PTPRT: variants seen among roughly 807,000 people sequenced by gnomAD.
PTPRT encodes protein tyrosine phosphatase receptor type T.
In PTPRT, 56 loss-of-function variants were observed where a neutral mutation model predicts 176.8. The observed-to-expected ratio is 0.32, with a 90% confidence interval of 0.26 to 0.40. The LOEUF (loss-of-function observed/expected upper bound fraction) is 0.40, where lower values mean the gene tolerates loss of function less well. Among genes scored for constraint, PTPRT ranks in the 10% least tolerant of loss-of-function variants. The probability of loss-of-function intolerance (pLI) is 1.00; values close to 1 mark genes in which losing one functional copy is unlikely to be tolerated. For missense variants in PTPRT, 1,540 were observed against 1,908.2 expected, an observed-to-expected ratio of 0.81 and a Z score of 3.60; for synonymous variants, 783 against 739.0, an observed-to-expected ratio of 1.06 and a Z score of -0.96.
At chr20:42,543,788 T>G (rs1017928692) in intron 7 of PTPRT, among the ~76,000 whole-genome samples, 3 of 152,158 alleles carry the variant, frequency 2.0e-5, no homozygotes, top group African/African-American at 7.2e-5. Flanking sequence ...GAATGGATAT[T>G]GTGTTAGCAG....
At chr20:43,167,843 G>A (rs1207098807) in intron 1 of PTPRT, among the ~76,000 whole-genome samples, 1 of 152,158 alleles carries the variant, frequency 6.6e-6, no homozygotes, top group Non-Finnish European at 1.5e-5. Context: ...ATATGAGGTT[G>A]GAAACAGATC....
At chr20:42,047,723 TG>T in the PTPRT span, among the ~76,000 whole-genome samples, 5 of 152,196 alleles carry the variant, frequency 3.3e-5, no homozygotes, top group Non-Finnish European at 7.3e-5. Context: ...CTATGCTTGA[TG>T]GGTTCTTCTG....
chr20:42,093,530 G>T (rs561507888), intron 27 of PTPRT, among the ~76,000 whole-genome samples: 2 of 152,282 alleles, frequency 1.3e-5, no homozygotes, highest in East Asian at 3.9e-4. Context: ...GGCAGATTTG[G>T]CCAGCAGTGC....
chr20:42,339,630 A>G (rs1383720079), intron 11 of PTPRT, among the ~76,000 whole-genome samples: 3 of 152,248 alleles, frequency 2.0e-5, no homozygotes, highest in Admixed American at 2.0e-4. Context: ...GCGTGGTCCA[A>G]GACCAGTAGG....
chr20:43,062,657 T>C (rs1987520150), intron 1 of PTPRT, among the ~76,000 whole-genome samples: 1 of 152,230 alleles, frequency 6.6e-6, no homozygotes, highest in Admixed American at 6.5e-5. Flanking sequence ...TGTATGTAGA[T>C]GAAAGAATTC....
At chr20:42,620,535 C>T (rs1409703552) in intron 7 of PTPRT, among the ~76,000 whole-genome samples, 1 of 149,898 alleles carries the variant, frequency 6.7e-6, no homozygotes, top group Non-Finnish European at 1.5e-5. Flanking sequence ...CGCCCCTCCC[C>T]CAGCCTCGTT....
At chr20:42,825,960 C>T (rs1473282601) in intron 2 of PTPRT, among the ~76,000 whole-genome samples, 2 of 152,030 alleles carry the variant, frequency 1.3e-5, no homozygotes, top group Non-Finnish European at 2.9e-5. Context: ...ACAAAATTAC[C>T]TGAAAATCTG....
chr20:42,096,915 T>A (rs149113946), intron 27 of PTPRT, among the ~76,000 whole-genome samples: 213 of 152,230 alleles, frequency 1.4e-3, no homozygotes, highest in African/African-American at 5.0e-3. Flanking sequence ...GGCTGTGTTA[T>A]ACCACTGTCA....
At chr20:42,393,700 A>G (rs1221395863) in intron 9 of PTPRT, among the ~76,000 whole-genome samples, 1 of 152,138 alleles carries the variant, frequency 6.6e-6, no homozygotes, top group Non-Finnish European at 1.5e-5. Context: ...CTGAGCTAAG[A>G]TTTTTCCTAG....
chr20:42,329,494 C>CACACAT (rs1568779974), intron 11 of PTPRT, among the ~76,000 whole-genome samples: 1 of 140,458 alleles, frequency 7.1e-6, no homozygotes, highest in Non-Finnish European at 1.6e-5. Flanking sequence ...CACACACACA[C>CACACAT]ACACACACAT....
At chr20:42,387,023 C>G (rs1296938561) in intron 9 of PTPRT, among the ~76,000 whole-genome samples, 3 of 152,158 alleles carry the variant, frequency 2.0e-5, no homozygotes. Context: ...CCTCTAAGTT[C>G]CTTTTTTTGC....
chr20:42,923,706 G>A (rs934889440), intron 1 of PTPRT, among the ~76,000 whole-genome samples: 21 of 152,242 alleles, frequency 1.4e-4, no homozygotes, highest in South Asian at 6.2e-4. Context: ...CCTGGCACCA[G>A]TCCCAGGTAC....
At chr20:42,672,519 C>T (rs531376622) in intron 7 of PTPRT, among the ~76,000 whole-genome samples, 1 of 152,304 alleles carries the variant, frequency 6.6e-6, no homozygotes, top group East Asian at 1.9e-4. Context: ...AATACAACCA[C>T]TCATCTCTCA....
chr20:42,088,826 T>C (rs1020027339), intron 27 of PTPRT, among the ~76,000 whole-genome samples: 4 of 152,202 alleles, frequency 2.6e-5, no homozygotes, highest in Admixed American at 1.3e-4. Context: ...GTTCTGAGGA[T>C]AAAGGACATA....
intron 7 of PTPRT, among the ~76,000 whole-genome samples, chr20:42,506,931 A>G (rs1032199686): frequency 2.0e-5 from 3 of 152,098 alleles, no homozygotes; most frequent in Non-Finnish European, 2.9e-5. Context: ...CCTGGATCCT[A>G]GGATCTGACC....
chr20:42,718,030 A>T (rs915401615), intron 6 of PTPRT, among the ~76,000 whole-genome samples: 1 of 152,284 alleles, frequency 6.6e-6, no homozygotes, highest in Admixed American at 6.5e-5. Flanking sequence ...CTGTCATATT[A>T]GAAAGCTATT....
At chr20:42,748,892 G>C (rs1386569370) in intron 6 of PTPRT, among the ~76,000 whole-genome samples, 1 of 152,158 alleles carries the variant, frequency 6.6e-6, no homozygotes, top group Non-Finnish European at 1.5e-5. Flanking sequence ...GGTCACAGCA[G>C]TTACTCACTT....
At chr20:42,458,443 G>T (rs1347681451) in intron 8 of PTPRT, among the ~76,000 whole-genome samples, 5 of 152,104 alleles carry the variant, frequency 3.3e-5, no homozygotes, top group Admixed American at 2.0e-4. Flanking sequence ...TTAAAATGAG[G>T]ATAAAAATAC....
intron 1 of PTPRT, among the ~76,000 whole-genome samples, chr20:43,146,186 C>G (rs1004082563): frequency 6.6e-6 from 1 of 152,082 alleles, no homozygotes; most frequent in African/African-American, 2.4e-5. Context: ...CAACATAATC[C>G]CCACTGACAC....
Sources: gnomAD v4.1 joint callset for allele counts (sites outside exome capture counted in the v4.1 genomes callset) on GRCh38, gnomAD v4.1.1 for gene constraint, MANE v1.5 for transcripts, NCBI Gene and HGNC (gene_info 2026-07-23, HGNC 2026-07-21) for gene names.